NEURL1: variants seen among roughly 807,000 people sequenced by gnomAD.
NEURL1 encodes E3 ubiquitin-protein ligase NEURL1.
Under a neutral mutation model 41.2 loss-of-function variants are expected in NEURL1, and 26 were observed. The observed-to-expected ratio is 0.63, with a 90% CI of 0.46 to 0.87. NEURL1 has a LOEUF of 0.87. NEURL1 is among the 40% of genes least tolerant of loss of function. NEURL1 has a pLI of 0.00. For missense variants in NEURL1, 761 were observed against 871.1 expected, an observed-to-expected ratio of 0.87 and a Z score of 1.59; for synonymous variants, 400 against 402.3, an observed-to-expected ratio of 0.99 and a Z score of 0.07.
At chr10:103,576,326 A>C (rs1159206655) in intron 3 of NEURL1, among the ~76,000 whole-genome samples, 1 of 152,180 alleles carries the variant, frequency 6.6e-6, no homozygotes, top group Non-Finnish European at 1.5e-5. Context: ...GGGGGTGTCC[A>C]CAGGTGCAGA....
At chr10:103,535,520 C>G in intron 1 of NEURL1, among the ~76,000 whole-genome samples, 1 of 152,152 alleles carries the variant, frequency 6.6e-6, no homozygotes, top group East Asian at 1.9e-4. Flanking sequence ...GGAACTATTT[C>G]CCTGAGATGC....
intron 1 of NEURL1, among the ~76,000 whole-genome samples, chr10:103,543,922 G>C (rs2034873034): frequency 6.6e-6 from 1 of 152,192 alleles, no homozygotes; most frequent in Admixed American, 6.5e-5. Flanking sequence ...ACATGGGGTG[G>C]GGTAGGGGGG....
chr10:103,570,217 A>G (rs2035509834), intron 1 of NEURL1, among the ~76,000 whole-genome samples: 1 of 152,230 alleles, frequency 6.6e-6, no homozygotes, highest in African/African-American at 2.4e-5. Context: ...CTACTTGGGC[A>G]TGGATCTTGG....
chr10:103,537,721 T>C (rs1328486537), intron 1 of NEURL1, among the ~76,000 whole-genome samples: 1 of 152,190 alleles, frequency 6.6e-6, no homozygotes, highest in African/African-American at 2.4e-5. Flanking sequence ...GGTTTTAAAA[T>C]ACAGCTTTAT....
In NEURL1 at chr10:103,508,639, G is replaced by A. The variant is rs2034000310; in HGVS notation, c.85+14167G>A. Among the ~76,000 whole-genome samples the A allele has an allele frequency of 6.6e-6, 1 of 152,206 alleles. No homozygotes were observed. The highest frequency in any genetic ancestry group is 2.4e-5 in the African/African-American group (1 of 41,448). ...TTTTCCCTTTCTGAGGCTGGCGTTTGCAGATCTGTGGGACTGAGGAGACCA... is the reference window on the plus strand; with the variant it reads ...TTTTCCCTTTCTGAGGCTGGCGTTTACAGATCTGTGGGACTGAGGAGACCA... On this transcript the variant is annotated intron_variant, in intron 1 of 5. Coordinates refer to ENST00000369780, the MANE Select transcript of NEURL1 (RefSeq NM_004210.5). The surrounding 1 kb of genome is among the most constrained non-coding windows in gnomAD (Gnocchi z 4.3).
intron 4 of NEURL1, among the ~76,000 whole-genome samples, chr10:103,588,072 AG>A (rs2035958849): frequency 6.6e-6 from 1 of 151,884 alleles, no homozygotes; most frequent in South Asian, 2.1e-4. Context: ...TGGGAGGCTG[AG>A]GCGGGTGGAT....
intron 1 of NEURL1, among the ~76,000 whole-genome samples, chr10:103,526,829 C>T (rs1468691108): frequency 6.6e-6 from 1 of 152,014 alleles, no homozygotes; most frequent in Non-Finnish European, 1.5e-5. Flanking sequence ...TATTTTTCTG[C>T]ATATGAATGC....
At chr10:103,527,619 G>A (rs566728414) in intron 1 of NEURL1, among the ~76,000 whole-genome samples, 3 of 152,024 alleles carry the variant, frequency 2.0e-5, no homozygotes, top group African/African-American at 4.8e-5. Flanking sequence ...TCATCAGCAG[G>A]GTCTTCGTGA....
intron 1 of NEURL1, among the ~76,000 whole-genome samples, chr10:103,550,025 G>A (rs1282036984): frequency 6.6e-6 from 1 of 152,228 alleles, no homozygotes; most frequent in African/African-American, 2.4e-5. Context: ...TTCCCCATTA[G>A]AGAGCTTGGT....
intron 1 of NEURL1, among the ~76,000 whole-genome samples, chr10:103,541,291 GA>G (rs1451220336): frequency 6.6e-6 from 1 of 152,164 alleles, no homozygotes; most frequent in Non-Finnish European, 1.5e-5. Context: ...ATAATCAGGG[GA>G]AATGCCTGTG....
At chr10:103,581,083 A>C (rs193177926) in intron 3 of NEURL1, among the ~76,000 whole-genome samples, 3 of 152,264 alleles carry the variant, frequency 2.0e-5, no homozygotes, top group Admixed American at 6.5e-5. Flanking sequence ...CTAATATCTG[A>C]AGTTATCGGG....
intron 1 of NEURL1, among the ~76,000 whole-genome samples, chr10:103,532,920 C>CTTTTTTTTTTTTTTTTT (rs144783148): frequency 1.6e-5 from 1 of 63,570 alleles, no homozygotes; most frequent in Non-Finnish European, 2.6e-5. Flanking sequence ...TTCTCTTCTC[C>CTTTTTTTTTTTTTTTTT]TTTTTTTTTT....
chr10:103,557,529 C>T (rs762292716), intron 1 of NEURL1, among the ~76,000 whole-genome samples: 20 of 152,182 alleles, frequency 1.3e-4, no homozygotes, highest in South Asian at 2.1e-4. Context: ...TTGCCAGGAC[C>T]GCCCTCCCAG....
chr10:103,554,559 G>T (rs937316906), intron 1 of NEURL1, among the ~76,000 whole-genome samples: 11 of 152,146 alleles, frequency 7.2e-5, no homozygotes, highest in African/African-American at 2.7e-4. Flanking sequence ...TTGCATTCCA[G>T]CCTTGCCACC....
rs553131460 is a variant in NEURL1, at chr10:103,561,506, T to C, written c.86-9366T>C. Reference sequence around the variant, plus strand: ...CTCGATCTCCTGACCTCAGGTGATCTGCCCACCTTGGCCTCCCAAAGTGCT... The same window carrying C: ...CTCGATCTCCTGACCTCAGGTGATCCGCCCACCTTGGCCTCCCAAAGTGCT... On this transcript the variant is annotated intron_variant, in intron 1 of 5. Transcript: ENST00000369780. 1.0e-3 allele frequency among the ~76,000 whole-genome samples: 159 copies of C among 152,286 alleles called. 1 individual carries two copies. Among genetic ancestry groups the C allele is most frequent in the African/African-American group, 3.7e-3 (152 of 41,556 alleles).
At position 103,589,572 on chromosome 10, in the gene NEURL1, G is replaced by A. The variant is rs1274394429; in HGVS notation, c.1398G>A (p.Thr466=). ...CACTCCCCTGCTCCCCTGCCTCCAC[G>A]CCAACCTCGCCCAGTGCCCTGGGCA... ...IPSLPCSPAS[T]PTSPSALGSR... Residue 466 remains threonine, a synonymous_variant, in exon 5 of 6, where the codon ACG becomes ACA. Coordinates refer to ENST00000369780, the MANE Select transcript of NEURL1 (RefSeq NM_004210.5). 5.0e-6 allele frequency: 8 copies of A among 1,613,828 alleles called. No individual in the cohort carries two copies. Among genetic ancestry groups the A allele is most frequent in the East Asian group, 2.2e-5 (1 of 44,860 alleles).
intron 5 of NEURL1, 46 bp from the exon 6 acceptor site, chr10:103,590,088 C>T (rs748707379): frequency 2.2e-5 from 34 of 1,575,622 alleles, no homozygotes; most frequent in African/African-American, 5.4e-5. Flanking sequence ...AATCCAGCGC[C>T]GGGTTGGGCC....
At chr10:103,513,264 T>G (rs1032010774) in intron 1 of NEURL1, among the ~76,000 whole-genome samples, 3 of 152,244 alleles carry the variant, frequency 2.0e-5, no homozygotes, top group African/African-American at 7.2e-5. Flanking sequence ...TTTTTAGTGC[T>G]TACTACTGGG....
chr10:103,540,435 G>A (rs1446619330), intron 1 of NEURL1, among the ~76,000 whole-genome samples: 1 of 150,868 alleles, frequency 6.6e-6, no homozygotes, highest in African/African-American at 2.4e-5. Flanking sequence ...GACTATAGCC[G>A]TGTGCCACCA....
Sources: allele counts gnomAD v4.1 joint callset (sites outside exome capture counted in the v4.1 genomes callset), GRCh38; gene constraint gnomAD v4.1.1; non-coding constraint Gnocchi (gnomAD v3.1); transcripts MANE v1.5; gene names NCBI Gene and HGNC (gene_info 2026-07-23, HGNC 2026-07-21).